MAP7D2: variants seen among roughly 807,000 people sequenced by gnomAD.
MAP7D2 encodes MAP7 domain-containing protein 2.
A neutral mutation model predicts 63.5 loss-of-function variants in MAP7D2; 33 were observed. That is an observed-to-expected ratio of 0.52 (90% CI 0.39 to 0.70). The LOEUF (loss-of-function observed/expected upper bound fraction) is 0.70. Ranked by LOEUF, MAP7D2 falls within the 30% of genes least tolerant of loss-of-function variation. The probability of loss-of-function intolerance (pLI) is 0.00; values close to 1 mark genes in which losing one functional copy is unlikely to be tolerated. For synonymous variants in MAP7D2, 224 were observed against 223.7 expected (o/e 1.00, Z -0.01); for missense variants, 626 against 604.0 (o/e 1.04, Z -0.38).
intron 1 of MAP7D2, among the ~76,000 whole-genome samples, chrX:20,075,007 C>T (rs1225148024): frequency 5.4e-5 from 6 of 111,777 alleles, no homozygotes; most frequent in African/African-American, 1.6e-4. Flanking sequence ...GAGCCAAGAT[C>T]GTGCCACTGC....
chrX:20,074,065 G>T (rs757092872), intron 1 of MAP7D2, among the ~76,000 whole-genome samples: 1 of 106,170 alleles, frequency 9.4e-6, no homozygotes, highest in Non-Finnish European at 1.9e-5. Flanking sequence ...AATCTGGGAG[G>T]CGGAGGCTGC....
intron 8 of MAP7D2, among the ~76,000 whole-genome samples, chrX:20,033,563 A>G (rs1204892018): frequency 8.9e-6 from 1 of 112,641 alleles, no homozygotes; most frequent in Non-Finnish European, 1.9e-5. Context: ...CGCTTAAAAG[A>G]GCAATGCTAT....
chrX:20,052,744 A>G (rs1345949709), intron 5 of MAP7D2, 134 bp downstream of exon 5: 1 of 518,410 alleles, frequency 1.9e-6, no homozygotes, highest in East Asian at 3.6e-5. Context: ...GAGCTCCCAC[A>G]TTCAGACCAC....
In MAP7D2 at chrX:20,015,277, G is replaced by C. The variant is rs1281575689; in HGVS notation, c.1695C>G (p.Leu565=). 2.5e-6 allele frequency: 3 copies of C among 1,210,677 alleles called. No homozygotes were observed. In the South Asian group the frequency reaches 5.3e-5, roughly 21 times the overall value. Residue 565 remains leucine (L), a synonymous_variant, in exon 12 of 17, where the codon CTC becomes CTG. Transcript: ENST00000379643. The stretch of plus-strand genomic sequence containing the variant: ...TCTGCAGCATAATCTGTTCTCTCTC[G>C]AGACGCATCTGTTCAGCTACCTCCC... ...KAREVAEQMR[L]EREQIMLQIE...
Position 20,106,756 on chromosome X carries a change from T to C in MAP7D2, c.130+9994A>G, listed in dbSNP as rs955204396. ...TTAATAACGTTTAATATTAATTACA[T>C]GCTGAGGCTAGGTGAGGTGGCTCAT... On this transcript the variant is annotated intron_variant, in intron 1 of 16. Transcript: ENST00000379643. Among the ~76,000 whole-genome samples the C allele has an allele frequency of 1.2e-4, 14 of 112,038 alleles. No homozygotes were observed. In the East Asian group the frequency reaches 1.4e-3, roughly 11 times the overall value.
intron 1 of MAP7D2, among the ~76,000 whole-genome samples, chrX:20,099,929 T>G (rs2066382485): frequency 8.9e-6 from 1 of 111,964 alleles, no homozygotes; most frequent in African/African-American, 3.2e-5. Flanking sequence ...GACAACAGTG[T>G]GCAGAAGGTG....
At chrX:20,069,493 G>C (rs142094902) in intron 1 of MAP7D2, among the ~76,000 whole-genome samples, 1 of 111,153 alleles carries the variant, frequency 9.0e-6, no homozygotes, top group Non-Finnish European at 1.9e-5. Context: ...ACAGGCATGA[G>C]CCACAGTCTA....
chrX:20,025,646 TC>T, intron 9 of MAP7D2, 34 bp downstream of exon 9: 1 of 1,205,630 alleles, frequency 8.3e-7, no homozygotes, highest in South Asian at 1.8e-5. Flanking sequence ...AGGAGAACCG[TC>T]TTGGGAAAGC....
intron 1 of MAP7D2, among the ~76,000 whole-genome samples, chrX:20,090,855 C>A (rs2066049812): frequency 9.0e-6 from 1 of 110,665 alleles, no homozygotes; most frequent in East Asian, 2.8e-4. Flanking sequence ...GACTATGGTC[C>A]CAGCTACTCA....
intron 1 of MAP7D2, among the ~76,000 whole-genome samples, chrX:20,080,181 G>T (rs2065742135): frequency 9.0e-6 from 1 of 110,636 alleles, no homozygotes; most frequent in Non-Finnish European, 1.9e-5. Flanking sequence ...CTAGTTAAAA[G>T]AAACCTATAC....
At chrX:20,023,961 T>C (rs1032129752) in intron 10 of MAP7D2, among the ~76,000 whole-genome samples, 3 of 112,075 alleles carry the variant, frequency 2.7e-5, no homozygotes, top group Non-Finnish European at 3.8e-5. Context: ...CTGTCCCTTT[T>C]AAAAAATAGA....
intron 1 of MAP7D2, among the ~76,000 whole-genome samples, chrX:20,078,408 T>C (rs2065698944): frequency 8.9e-6 from 1 of 112,399 alleles, no homozygotes; most frequent in Non-Finnish European, 1.9e-5. Flanking sequence ...TTGAGGCCAG[T>C]CTGGTTGACT....
chrX:20,010,491 A>G (rs909956002), intron 16 of MAP7D2, among the ~76,000 whole-genome samples: 1 of 111,880 alleles, frequency 8.9e-6, no homozygotes, highest in Non-Finnish European at 1.9e-5. Context: ...TAAAAAAGCT[A>G]CTCAGGCTGG....
chrX:20,094,573 T>C (rs1240251057), intron 1 of MAP7D2, among the ~76,000 whole-genome samples: 1 of 47,770 alleles, frequency 2.1e-5, no homozygotes, highest in Non-Finnish European at 3.5e-5. Flanking sequence ...TATATACATA[T>C]ATATGTATAT....
chrX:20,027,790 GACAGAGACAGAC>G (rs2073919457), intron 8 of MAP7D2, among the ~76,000 whole-genome samples: 4 of 98,538 alleles, frequency 4.1e-5, no homozygotes, highest in Non-Finnish European at 8.1e-5. Flanking sequence ...GAGAGAGAGA[GACAGAGACAGAC>G]AGAGACAGAG....
intron 1 of MAP7D2, among the ~76,000 whole-genome samples, chrX:20,080,456 CAGGGCAGCA>C (rs2046017665): frequency 2.7e-5 from 3 of 110,824 alleles, no homozygotes; most frequent in African/African-American, 9.8e-5. Flanking sequence ...TAAACATGGA[CAGGGCAGCA>C]AGGGTAGAGT....
chrX:20,060,890 G>A (rs1047700664), intron 3 of MAP7D2, among the ~76,000 whole-genome samples: 4 of 109,886 alleles, frequency 3.6e-5, no homozygotes, highest in African/African-American at 1.0e-4. Context: ...GCACAGACAT[G>A]AGGGGTTATC....
Position 20,100,627 on chromosome X carries a change from G to T in MAP7D2, c.130+16123C>A, listed in dbSNP as rs190748131. 4.4e-4 allele frequency among the ~76,000 whole-genome samples: 48 copies of T among 109,572 alleles called. 1 individual carries two copies. The East Asian group carries it at 0.013, about 30-fold the overall frequency. On this transcript the variant is annotated intron_variant, in intron 1 of 16. Coordinates refer to ENST00000379643, the MANE Select transcript of MAP7D2 (RefSeq NM_001168465.2). ...TGGAAGTAGAGCTGGGGGGGAGGGA[G>T]GGGAAGGAGCAAGAGAGAAAGAGAT... is the stretch of plus-strand genomic sequence containing the variant.
chrX:20,081,940 G>A (rs937878813), intron 1 of MAP7D2, among the ~76,000 whole-genome samples: 7 of 111,615 alleles, frequency 6.3e-5, no homozygotes, highest in African/African-American at 2.0e-4. Flanking sequence ...ATAACCCACC[G>A]CGCCCGGCCC....
Sources: allele counts gnomAD v4.1 joint callset (sites outside exome capture counted in the v4.1 genomes callset), GRCh38; gene constraint gnomAD v4.1.1; transcripts MANE v1.5; gene names NCBI Gene and HGNC (gene_info 2026-07-23, HGNC 2026-07-21).